The following KAZN variants were observed in gnomAD, a reference collection of about 807,000 sequenced individuals.
KAZN encodes kazrin.
In KAZN, 40 loss-of-function variants were observed where a neutral mutation model predicts 87.4. The observed-to-expected ratio is 0.46, with a 90% CI of 0.36 to 0.60. The LOEUF is 0.60. Ranked by LOEUF, KAZN falls within the 20% of genes least tolerant of loss-of-function variation. The probability of loss-of-function intolerance (pLI) is 0.00; values close to 1 mark genes in which losing one functional copy is unlikely to be tolerated. For synonymous variants in KAZN, 466 were observed against 458.3 expected (o/e 1.02, Z -0.22); for missense variants, 898 against 1,073.9 (o/e 0.84, Z 2.29).
At chr1:14,875,769 T>G (rs1000503130) in intron 1 of KAZN, among the ~76,000 whole-genome samples, 11 of 152,154 alleles carry the variant, frequency 7.2e-5, no homozygotes, top group Non-Finnish European at 1.3e-4. Flanking sequence ...CCCTCCACAG[T>G]TGATTGTTAA....
chr1:14,390,575 G>A (rs1042250836), intron 2 of KAZN: 1 of 152,218 alleles, frequency 6.6e-6, no homozygotes, highest in African/African-American at 2.4e-5. Context: ...TTGTATTGCT[G>A]GACTCAGTAA....
In KAZN at chr1:14,091,413, A is replaced by G. The variant is rs373285238; in HGVS notation, c.92-89022A>G. Among the ~76,000 whole-genome samples, 14 of 152,226 alleles carry G rather than the reference A, an allele frequency of 9.2e-5. 1 individual carries two copies. Among genetic ancestry groups the G allele is most frequent in the African/African-American group, 3.4e-4 (14 of 41,546 alleles). On this transcript the variant is annotated intron_variant, in intron 1 of 16. Coordinates refer to the KAZN transcript ENST00000636203. ...TGTTTGATGTCTGGAAACTGTTGCTATAAGTGTGTGTATGTATGTGTGCTT... is the reference window on the plus strand; with the variant it reads ...TGTTTGATGTCTGGAAACTGTTGCTGTAAGTGTGTGTATGTATGTGTGCTT...
intron 1 of KAZN, among the ~76,000 whole-genome samples, chr1:14,071,083 TC>T (rs1406576225): frequency 6.6e-6 from 1 of 152,066 alleles, no homozygotes; most frequent in Non-Finnish European, 1.5e-5. Flanking sequence ...AACCCAGGGT[TC>T]CTTTTACTCC....
chr1:14,059,768 AG>A (rs1214699029), intron 1 of KAZN, among the ~76,000 whole-genome samples: 2 of 152,208 alleles, frequency 1.3e-5, no homozygotes, highest in Admixed American at 1.3e-4. Flanking sequence ...GGTTTGCTAC[AG>A]GTGCTTGTGA....
chr1:14,026,241 T>G (rs76033423), intron 1 of KAZN, among the ~76,000 whole-genome samples: 3,217 of 152,310 alleles, frequency 0.021, 110 homozygotes, highest in African/African-American at 0.072. Context: ...GTCTTTTTGT[T>G]TCACTGATAA....
chr1:14,864,602 G>A (rs760235205), intron 1 of KAZN, among the ~76,000 whole-genome samples: 2 of 152,114 alleles, frequency 1.3e-5, no homozygotes, highest in Non-Finnish European at 1.5e-5. Context: ...TGCTAAGTGG[G>A]TATAAAGGTG....
chr1:14,972,473 G>T lies in KAZN; in HGVS notation c.418+11598G>T, dbSNP rs1332911909. ...CTTGACCCTGATTCACCTCACCCCT[G>T]CTTGGCTCCCAGGGGAATGCGCTGC... On this transcript the variant is annotated intron_variant, in intron 2 of 14. Coordinates refer to ENST00000376030, the MANE Select transcript of KAZN (RefSeq NM_201628.3). Among the ~76,000 whole-genome samples, 17 of 151,878 alleles carry T rather than the reference G, an allele frequency of 1.1e-4. 1 individual carries two copies. Among genetic ancestry groups the T allele is most frequent in the Admixed American group, 1.0e-3 (16 of 15,264 alleles).
intron 2 of KAZN, among the ~76,000 whole-genome samples, chr1:14,557,110 C>G (rs2148520968): frequency 6.6e-6 from 1 of 152,136 alleles, no homozygotes; most frequent in East Asian, 1.9e-4. Flanking sequence ...CTAGGACCAA[C>G]AAAAGCAGAA....
intron 1 of KAZN, among the ~76,000 whole-genome samples, chr1:14,941,449 C>T (rs1398950740): frequency 6.6e-6 from 1 of 151,918 alleles, no homozygotes; most frequent in Non-Finnish European, 1.5e-5. Flanking sequence ...AATACATTAA[C>T]TGCCGACCAT....
intron 1 of KAZN, among the ~76,000 whole-genome samples, chr1:13,918,368 C>A (rs1398603161): frequency 2.0e-5 from 3 of 152,106 alleles, no homozygotes; most frequent in East Asian, 3.9e-4. Flanking sequence ...TTGAAAATAG[C>A]AAAAGAACTA....
chr1:13,945,679 T>TTGTGTGTGTG (rs60728794), intron 1 of KAZN, among the ~76,000 whole-genome samples: 39,737 of 122,034 alleles, frequency 0.33, 7,560 homozygotes, highest in Non-Finnish European at 0.4. Flanking sequence ...TGCTCTCAGT[T>TTGTGTGTGTG]TGTGTGTGTG....
intron 2 of KAZN, among the ~76,000 whole-genome samples, chr1:14,377,713 A>T (rs973753032): frequency 7.2e-5 from 11 of 152,190 alleles, no homozygotes; most frequent in Non-Finnish European, 1.3e-4. Flanking sequence ...GCCTGCTGCT[A>T]ACTCCATGGC....
intron 1 of KAZN, among the ~76,000 whole-genome samples, chr1:14,064,920 CA>C (rs1419756932): frequency 7.9e-5 from 12 of 152,162 alleles, no homozygotes; most frequent in Non-Finnish European, 1.5e-4. Flanking sequence ...CTTGTCCCGG[CA>C]AATGCTTACT....
At chr1:14,933,916 C>T (rs1335711030) in intron 1 of KAZN, among the ~76,000 whole-genome samples, 5 of 149,990 alleles carry the variant, frequency 3.3e-5, no homozygotes, top group South Asian at 2.1e-4. Context: ...GATGTGATCT[C>T]GGCTCACTGC....
rs74061325 is a variant in KAZN at position 14,723,736 on chromosome 1, G to A, written c.226+124513G>A. 2.6e-3 allele frequency among the ~76,000 whole-genome samples: 393 copies of A among 152,284 alleles called. 1 individual carries two copies. The highest frequency in any genetic ancestry group is 8.9e-3 in the African/African-American group (368 of 41,558). ...TGGGAGTGCAGTGACTCAAAACCAC[G>A]TCGGAGTGTGGCTCCTGATCCCAAA... is the stretch of plus-strand genomic sequence containing the variant. On this transcript the variant is annotated intron_variant, in intron 1 of 14. Transcript: ENST00000376030.
chr1:14,141,474 G>A (rs1398240011), intron 1 of KAZN, among the ~76,000 whole-genome samples: 4 of 145,018 alleles, frequency 2.8e-5, no homozygotes, highest in Non-Finnish European at 6.0e-5. Flanking sequence ...CAGATGTAAC[G>A]AACGGCTCAT....
intron 1 of KAZN, among the ~76,000 whole-genome samples, chr1:14,137,341 G>A (rs561952055): frequency 1.1e-4 from 16 of 152,278 alleles, no homozygotes; most frequent in African/African-American, 3.6e-4. Flanking sequence ...GGGTCAGGTG[G>A]CCCTACAGCC....
At chr1:15,058,278 C>A (rs2100506029) in intron 5 of KAZN, among the ~76,000 whole-genome samples, 1 of 152,318 alleles carries the variant, frequency 6.6e-6, no homozygotes, top group Middle Eastern at 3.4e-3. Flanking sequence ...CTCAGAGGGG[C>A]TAGGGAGGAT....
chr1:13,942,377 A>G (rs1473034503), intron 1 of KAZN, among the ~76,000 whole-genome samples: 1 of 113,968 alleles, frequency 8.8e-6, no homozygotes, highest in Non-Finnish European at 1.9e-5. Flanking sequence ...CGTCTCTACT[A>G]AAAATACAAA....
Sources: gnomAD v4.1 joint callset for allele counts (sites outside exome capture counted in the v4.1 genomes callset) on GRCh38, gnomAD v4.1.1 for gene constraint, MANE v1.5 for transcripts, NCBI Gene and HGNC (gene_info 2026-07-23, HGNC 2026-07-21) for gene names.